ARL6IP6: variants seen among roughly 807,000 people sequenced by gnomAD.
ARL6IP6 encodes ADP-ribosylation factor-like protein 6-interacting protein 6.
In ARL6IP6, 22 loss-of-function variants were observed where a neutral mutation model predicts 21.5. That is an observed-to-expected ratio of 1.02 (90% CI 0.73 to 1.46). The LOEUF (loss-of-function observed/expected upper bound fraction) is 1.46. Among genes scored for constraint, ARL6IP6 ranks in the 40% most tolerant of loss-of-function variants. The probability of loss-of-function intolerance (pLI) is 0.00; values close to 1 mark genes in which losing one functional copy is unlikely to be tolerated. For synonymous variants in ARL6IP6, 164 were observed against 125.3 expected (o/e 1.31, Z -2.06); for missense variants, 388 against 299.8 (o/e 1.29, Z -2.17).
At chr2:152,758,339 C>T (rs1206332601) in intron 3 of ARL6IP6, among the ~76,000 whole-genome samples, 4 of 151,338 alleles carry the variant, frequency 2.6e-5, no homozygotes, top group Admixed American at 6.6e-5. Flanking sequence ...TGGTTCATTT[C>T]GCAGATGTGG....
At chr2:152,740,212 C>T (rs1433971884) in intron 3 of ARL6IP6, among the ~76,000 whole-genome samples, 1 of 152,188 alleles carries the variant, frequency 6.6e-6, no homozygotes, top group Non-Finnish European at 1.5e-5. Context: ...AAGTGATCCT[C>T]CTGCCTCCAC....
At chr2:152,717,977 C>T, upstream of ARL6IP6, 1 of 1,000,338 alleles carries the variant, frequency 1.0e-6, no homozygotes, top group Admixed American at 5.8e-5. Flanking sequence ...GGAGAGGGTT[C>T]GATCTCCGTA....
At chr2:152,741,042 T>C (rs535968272) in intron 3 of ARL6IP6, among the ~76,000 whole-genome samples, 1 of 152,268 alleles carries the variant, frequency 6.6e-6, no homozygotes, top group South Asian at 2.1e-4. Context: ...AAAATCAAAT[T>C]GATATATTTT....
rs150245337 is a variant in ARL6IP6, at chr2:152,751,761, T to G, written c.588-7986T>G. Among the ~76,000 whole-genome samples the G allele has an allele frequency of 5.3e-3, 815 of 152,354 alleles. 2 individuals carry two copies. The highest frequency in any genetic ancestry group is 0.019 in the African/African-American group (780 of 41,576). ...GTTGTGTATATGTACCACATTTTCT[T>G]TATCCATTCATCTGTTGATGGACAC... is the stretch of plus-strand genomic sequence containing the variant. On this transcript the variant is annotated intron_variant, in intron 3 of 3. Transcript: ENST00000326446.
intron 1 of ARL6IP6, 130 bp from the exon 2 acceptor site, chr2:152,720,403 T>C: frequency 1.2e-6 from 1 of 842,952 alleles, no homozygotes; most frequent in African/African-American, 1.7e-5. Flanking sequence ...GTAAATTGAA[T>C]CAGAATTTGA....
intron 2 of ARL6IP6, among the ~76,000 whole-genome samples, chr2:152,729,532 T>C (rs373228057): frequency 1.7e-4 from 26 of 152,126 alleles, no homozygotes; most frequent in African/African-American, 5.8e-4. Flanking sequence ...ACAAGAATGT[T>C]CCTTGGAGCA....
chr2:152,742,795 C>A (rs571705889), intron 3 of ARL6IP6, among the ~76,000 whole-genome samples: 1 of 152,180 alleles, frequency 6.6e-6, no homozygotes, highest in East Asian at 1.9e-4. Context: ...CTAATGCCCT[C>A]CTAAGCCACC....
intron 3 of ARL6IP6, among the ~76,000 whole-genome samples, chr2:152,738,988 T>G (rs886561381): frequency 3.4e-5 from 5 of 147,390 alleles, no homozygotes; most frequent in African/African-American, 1.2e-4. Context: ...ACTGAATGCT[T>G]TTTTTTTTTT....
At chr2:152,749,238 C>G (rs1701199384) in intron 3 of ARL6IP6, among the ~76,000 whole-genome samples, 1 of 151,692 alleles carries the variant, frequency 6.6e-6, no homozygotes, top group Non-Finnish European at 1.5e-5. Flanking sequence ...TAATGGAAGT[C>G]TGGGTTCTCC....
chr2:152,731,713 T>G (rs957107070), intron 2 of ARL6IP6, among the ~76,000 whole-genome samples: 1 of 152,066 alleles, frequency 6.6e-6, no homozygotes. Context: ...CTGAAAAGGC[T>G]TACTCTTTTC....
chr2:152,721,765 C>G (rs1226703068), intron 2 of ARL6IP6, among the ~76,000 whole-genome samples: 3 of 152,226 alleles, frequency 2.0e-5, no homozygotes, highest in Non-Finnish European at 4.4e-5. Context: ...TATGGTGACA[C>G]TAAGTATAGT....
intron 3 of ARL6IP6, among the ~76,000 whole-genome samples, chr2:152,757,977 C>A (rs1209494457): frequency 6.6e-6 from 1 of 152,098 alleles, no homozygotes; most frequent in African/African-American, 2.4e-5. Flanking sequence ...GTGAGGATCA[C>A]AAACTACTAA....
At chr2:152,723,274 C>T (rs1345499083) in intron 2 of ARL6IP6, among the ~76,000 whole-genome samples, 1 of 152,174 alleles carries the variant, frequency 6.6e-6, no homozygotes, top group Non-Finnish European at 1.5e-5. Context: ...TGAAGTCATC[C>T]ATTACGTTTG....
chr2:152,726,567 A>C (rs1160712256), intron 2 of ARL6IP6, among the ~76,000 whole-genome samples: 2 of 152,388 alleles, frequency 1.3e-5, no homozygotes, highest in African/African-American at 4.8e-5. Context: ...ATAGAATCTA[A>C]TAAAGTTGAG....
At chr2:152,717,792 C>T, upstream of ARL6IP6, 2 of 1,190,100 alleles carry the variant, frequency 1.7e-6, no homozygotes, top group Non-Finnish European at 1.1e-6. Flanking sequence ...GGTCTGCCAC[C>T]TTCACCCTCC....
chr2:152,753,587 A>G (rs1467753877), intron 3 of ARL6IP6, among the ~76,000 whole-genome samples: 2 of 151,870 alleles, frequency 1.3e-5, no homozygotes, highest in Admixed American at 1.3e-4. Context: ...TTGAACTACT[A>G]CTGAGATCTC....
intron 1 of ARL6IP6, chr2:152,719,750 G>T: frequency 4.0e-6 from 1 of 251,228 alleles, no homozygotes; most frequent in South Asian, 3.5e-5. Context: ...CCAAGTTACT[G>T]AAAAAAAAAA....
At chr2:152,749,698 G>T (rs1453053800) in intron 3 of ARL6IP6, among the ~76,000 whole-genome samples, 2 of 152,174 alleles carry the variant, frequency 1.3e-5, no homozygotes, top group African/African-American at 4.8e-5. Flanking sequence ...CCTTGTAAGA[G>T]GCAAGGCTGG....
At chr2:152,751,963 A>G (rs554218033) in intron 3 of ARL6IP6, among the ~76,000 whole-genome samples, 1 of 152,322 alleles carries the variant, frequency 6.6e-6, no homozygotes, top group African/African-American at 2.4e-5. Flanking sequence ...GTTTTCCATA[A>G]TGGCTATATT....
Sources: allele counts gnomAD v4.1 joint callset (sites outside exome capture counted in the v4.1 genomes callset), GRCh38; gene constraint gnomAD v4.1.1; transcripts MANE v1.5; gene names NCBI Gene and HGNC (gene_info 2026-07-23, HGNC 2026-07-21).